Variants in CAMTA1 observed in about 807,000 individuals in gnomAD.
CAMTA1 encodes calmodulin binding transcription activator 1.
CAMTA1 carries 27 observed loss-of-function variants against 170.9 expected under a neutral mutation model. The observed-to-expected ratio is 0.16, with a 90% confidence interval of 0.12 to 0.22. The LOEUF (loss-of-function observed/expected upper bound fraction) is 0.22. CAMTA1 is among the 10% of genes least tolerant of loss of function. The pLI is 1.00. For synonymous variants in CAMTA1, 833 were observed against 891.5 expected (o/e 0.93, Z 1.17); for missense variants, 1,619 against 2,217.2 (o/e 0.73, Z 5.42).
At chr1:6,865,725 G>A (rs1666366759) in intron 3 of CAMTA1, among the ~76,000 whole-genome samples, 1 of 152,202 alleles carries the variant, frequency 6.6e-6, no homozygotes, top group Non-Finnish European at 1.5e-5. Context: ...GCAACTCTGT[G>A]AGGTAGGGAT....
intron 3 of CAMTA1, among the ~76,000 whole-genome samples, chr1:7,049,632 T>C (rs1705989421): frequency 6.6e-6 from 1 of 152,130 alleles, no homozygotes; most frequent in African/African-American, 2.4e-5. Context: ...AATTTTTGTA[T>C]TTTTACTAGA....
At chr1:7,447,582 C>T (rs2796477) in intron 5 of CAMTA1, among the ~76,000 whole-genome samples, 39,129 of 151,974 alleles carry the variant, frequency 0.26, 5,644 homozygotes, top group South Asian at 0.38. Flanking sequence ...CTGGCACTCG[C>T]TAGGCATATG....
intron 3 of CAMTA1, among the ~76,000 whole-genome samples, chr1:6,882,989 C>T (rs945855086): frequency 2.6e-5 from 4 of 152,076 alleles, no homozygotes; most frequent in South Asian, 2.1e-4. Flanking sequence ...TTCCACTTCC[C>T]GGGTTCAAGT....
chr1:7,549,639 A>G (rs930931098), intron 6 of CAMTA1, among the ~76,000 whole-genome samples: 1 of 152,206 alleles, frequency 6.6e-6, no homozygotes, highest in Non-Finnish European at 1.5e-5. Context: ...AGGACCCACT[A>G]TCAATCAGAC....
At chr1:7,036,720 T>G (rs147615190) in intron 3 of CAMTA1, among the ~76,000 whole-genome samples, 2 of 152,338 alleles carry the variant, frequency 1.3e-5, no homozygotes, top group African/African-American at 4.8e-5. Context: ...CCAAACCTAT[T>G]TTCGGGCATA....
At chr1:7,608,793 C>T (rs111777663) in intron 6 of CAMTA1, among the ~76,000 whole-genome samples, 2,689 of 152,062 alleles carry the variant, frequency 0.018, 72 homozygotes, top group African/African-American at 0.061. Context: ...AAAGTGGCTT[C>T]GACAGAGCCA....
At position 7,265,366 on chromosome 1, in the gene CAMTA1, T is replaced by G. The variant is rs534247832; in HGVS notation, c.438+15740T>G. ...TCTCACTCTGTCTCCGAGGTTAGAA[T>G]GTAGTAGCACTATCTCAGCTCACTG... is the stretch of plus-strand genomic sequence containing the variant. On this transcript the variant is annotated intron_variant, in intron 5 of 22. Transcript: ENST00000303635. Among the ~76,000 whole-genome samples the G allele has an allele frequency of 4.6e-5, 7 of 152,324 alleles. No individual in the cohort carries two copies. The East Asian group carries it at 1.3e-3, about 29-fold the overall frequency.
intron 3 of CAMTA1, among the ~76,000 whole-genome samples, chr1:6,861,874 C>T (rs906766496): frequency 5.9e-5 from 9 of 152,118 alleles, no homozygotes; most frequent in Non-Finnish European, 7.3e-5. Context: ...TCTCCCTACC[C>T]CTCGCCCCCG....
intron 6 of CAMTA1, among the ~76,000 whole-genome samples, chr1:7,601,625 C>T (rs1008802637): frequency 4.5e-4 from 69 of 152,304 alleles, no homozygotes; most frequent in African/African-American, 1.5e-3. Context: ...GCCGAGATCA[C>T]GCCACTGCAC....
chr1:7,278,043 G>C (rs192157243), intron 5 of CAMTA1, among the ~76,000 whole-genome samples: 1 of 152,250 alleles, frequency 6.6e-6, no homozygotes, highest in Admixed American at 6.5e-5. Context: ...TTTCATACCT[G>C]AACAATTGTT....
chr1:6,844,233 G>A (rs1474406911), intron 3 of CAMTA1, among the ~76,000 whole-genome samples: 2 of 152,226 alleles, frequency 1.3e-5, no homozygotes, highest in Admixed American at 1.3e-4. Context: ...TACCTTTGGA[G>A]AGTAGGGAGG....
chr1:6,959,017 C>T (rs1320353992), intron 3 of CAMTA1, among the ~76,000 whole-genome samples: 1 of 152,152 alleles, frequency 6.6e-6, no homozygotes, highest in Non-Finnish European at 1.5e-5. Flanking sequence ...ACATATTTGT[C>T]ACTGTTTTAA....
rs1000721655 is a variant in CAMTA1 at position 7,443,398 on chromosome 1, A to G, written c.439-24432A>G. 1.3e-5 allele frequency among the ~76,000 whole-genome samples: 2 copies of G among 152,222 alleles called. No individual in the cohort carries two copies. Among genetic ancestry groups the G allele is most frequent in the African/African-American group, 4.8e-5 (2 of 41,460 alleles). ...GCTGCATCAAGGTGGCCTTGGGAGC[A>G]CGTGGAGATGATGATAGCCATGTCA... On this transcript the variant is annotated intron_variant, in intron 5 of 22. Transcript: ENST00000303635. The surrounding 1 kb of genome is among the most constrained non-coding windows in gnomAD (Gnocchi z 4.1).
intron 5 of CAMTA1, among the ~76,000 whole-genome samples, chr1:7,290,238 G>A (rs1303280593): frequency 6.6e-6 from 1 of 152,196 alleles, no homozygotes; most frequent in Non-Finnish European, 1.5e-5. Context: ...GAGGAAACTC[G>A]GTTCTGCCTT....
chr1:7,034,458 T>C (rs952167383), intron 3 of CAMTA1, among the ~76,000 whole-genome samples: 10 of 152,246 alleles, frequency 6.6e-5, no homozygotes, highest in African/African-American at 9.6e-5. Context: ...CAGCCGATTG[T>C]TGTTTTTAAT....
At chr1:7,350,302 CAG>C (rs2084561640) in intron 5 of CAMTA1, among the ~76,000 whole-genome samples, 1 of 152,216 alleles carries the variant, frequency 6.6e-6, no homozygotes, top group African/African-American at 2.4e-5. Context: ...GCAGGAGCCA[CAG>C]AGAGATGTTG....
At position 7,463,177 on chromosome 1, in the gene CAMTA1, G is replaced by C. The variant is rs1327380472; in HGVS notation, c.439-4653G>C. On this transcript the variant is annotated intron_variant, in intron 5 of 22. Coordinates refer to ENST00000303635, the MANE Select transcript of CAMTA1 (RefSeq NM_015215.4). The surrounding 1 kb of genome is among the most constrained non-coding windows in gnomAD (Gnocchi z 4.7). ...GACCTTCAGGCCCCATCTGCTCCCCGGGGCTCCATGCCCTAAGCATGCTCT... is the reference window on the plus strand; with the variant it reads ...GACCTTCAGGCCCCATCTGCTCCCCCGGGCTCCATGCCCTAAGCATGCTCT... 6.6e-6 allele frequency among the ~76,000 whole-genome samples: 1 copy of C among 152,010 alleles called. No individual in the cohort carries two copies. The highest frequency in any genetic ancestry group is 2.4e-5 in the African/African-American group (1 of 41,288).
intron 3 of CAMTA1, among the ~76,000 whole-genome samples, chr1:6,955,593 A>AGTATTACT (rs1689317577): frequency 6.6e-6 from 1 of 152,192 alleles, no homozygotes; most frequent in African/African-American, 2.4e-5. Flanking sequence ...GGTGGCAACC[A>AGTATTACT]GTATTACTAC....
At chr1:7,539,515 C>T (rs372604203) in intron 6 of CAMTA1, among the ~76,000 whole-genome samples, 31 of 152,324 alleles carry the variant, frequency 2.0e-4, no homozygotes, top group African/African-American at 6.5e-4. Context: ...GGGGCTATTG[C>T]GCTGAACCAT....
Sources: gnomAD v4.1 joint callset for allele counts (sites outside exome capture counted in the v4.1 genomes callset) on GRCh38, gnomAD v4.1.1 for gene constraint, Gnocchi (gnomAD v3.1) non-coding constraint, MANE v1.5 for transcripts, NCBI Gene and HGNC (gene_info 2026-07-23, HGNC 2026-07-21) for gene names.